The following CNTN5 variants were observed in gnomAD, a reference collection of about 807,000 sequenced individuals.
The protein encoded by CNTN5 is contactin-5.
In CNTN5, 77 loss-of-function variants were observed where a neutral mutation model predicts 129.1. The ratio of observed to expected loss-of-function variants is 0.60; its 90% CI spans 0.50 to 0.72. The LOEUF (loss-of-function observed/expected upper bound fraction) is 0.72, where lower values mean the gene tolerates loss of function less well. Among genes scored for constraint, CNTN5 ranks in the 30% least tolerant of loss-of-function variants. CNTN5 has a pLI of 0.00. For missense variants in CNTN5, 1,478 were observed against 1,328.8 expected, an observed-to-expected ratio of 1.11 and a Z score of -1.75; for synonymous variants, 509 against 465.6, an observed-to-expected ratio of 1.09 and a Z score of -1.20.
chr11:99,449,711 G>A (rs1313129708), intron 2 of CNTN5, among the ~76,000 whole-genome samples: 1 of 152,142 alleles, frequency 6.6e-6, no homozygotes, highest in South Asian at 2.1e-4. Context: ...GTATGTGTGG[G>A]TCTCTCTTTA....
intron 3 of CNTN5, among the ~76,000 whole-genome samples, chr11:99,765,167 C>G (rs1054301223): frequency 3.3e-5 from 5 of 151,804 alleles, no homozygotes; most frequent in Non-Finnish European, 7.4e-5. Context: ...GAGCCTGAGT[C>G]CAGTTTCTCT....
Position 99,324,377 on chromosome 11 carries a change from A to G in CNTN5, c.-209-969A>G, listed in dbSNP as rs1865694888. ...CAATAAGCATAAATGCTCTATAAAC[A>G]TTCTGGAAATATTATTAAAGAGAAA... On this transcript the variant is annotated intron_variant, in intron 1 of 24. Coordinates refer to ENST00000524871, the MANE Select transcript of CNTN5 (RefSeq NM_014361.4). Among the ~76,000 whole-genome samples the G allele has an allele frequency of 3.9e-5, 6 of 152,302 alleles. No homozygotes were observed. In the South Asian group the frequency reaches 1.2e-3, roughly 32 times the overall value.
chr11:99,968,338 A>G (rs1393212941), intron 8 of CNTN5, among the ~76,000 whole-genome samples: 1 of 152,172 alleles, frequency 6.6e-6, no homozygotes, highest in Non-Finnish European at 1.5e-5. Context: ...ATAATCTACT[A>G]TTTGGTGGTG....
rs1195993177 is a variant in CNTN5, at chr11:99,053,176, A to G, written c.-210+31906A>G. On this transcript the variant is annotated intron_variant, in intron 1 of 24. Transcript: ENST00000524871. ...CTATTTGTGGCATATGGTCATTCTA[A>G]AAAAGTAATGACAGAGCTGAGATTA... Among the ~76,000 whole-genome samples, 3 of 152,066 alleles carry G rather than the reference A, an allele frequency of 2.0e-5. No homozygotes were observed. In the East Asian group the frequency reaches 5.8e-4, roughly 29 times the overall value.
intron 3 of CNTN5, among the ~76,000 whole-genome samples, chr11:99,608,539 A>G (rs1330184256): frequency 2.0e-5 from 3 of 152,160 alleles, no homozygotes; most frequent in African/African-American, 7.2e-5. Context: ...TTTCCTTATA[A>G]AAAGAGAAAA....
intron 1 of CNTN5, among the ~76,000 whole-genome samples, chr11:99,197,703 G>C (rs756361594): frequency 2.0e-5 from 3 of 151,904 alleles, no homozygotes; most frequent in South Asian, 2.1e-4. Flanking sequence ...CTATACCTTT[G>C]CTTGCTCTTG....
At chr11:99,386,144 C>T (rs1394547581) in intron 2 of CNTN5, among the ~76,000 whole-genome samples, 2 of 152,160 alleles carry the variant, frequency 1.3e-5, no homozygotes, top group African/African-American at 4.8e-5. Flanking sequence ...TTGGACTTCA[C>T]TAGAGCAGGG....
intron 1 of CNTN5, among the ~76,000 whole-genome samples, chr11:99,131,231 G>C (rs1386255570): frequency 1.6e-5 from 2 of 121,478 alleles, no homozygotes; most frequent in African/African-American, 3.3e-5. Flanking sequence ...CTGGGTGACA[G>C]AGTGAGACTC....
At chr11:100,227,291 A>G (rs1949397052) in intron 16 of CNTN5, among the ~76,000 whole-genome samples, 1 of 152,140 alleles carries the variant, frequency 6.6e-6, no homozygotes, top group South Asian at 2.1e-4. Flanking sequence ...ATTATTTTAT[A>G]CATTTTACCA....
intron 1 of CNTN5, among the ~76,000 whole-genome samples, chr11:99,077,273 C>A (rs1685929939): frequency 6.9e-6 from 1 of 145,686 alleles, no homozygotes; most frequent in Non-Finnish European, 1.5e-5. Context: ...CCAGGAGCAA[C>A]AACATCAACA....
At chr11:100,290,900 C>T (rs1000838899) in intron 18 of CNTN5, among the ~76,000 whole-genome samples, 2 of 151,552 alleles carry the variant, frequency 1.3e-5, no homozygotes, top group African/African-American at 4.8e-5. Flanking sequence ...TGAACTCAAA[C>T]AAATTTACAA....
intron 2 of CNTN5, among the ~76,000 whole-genome samples, chr11:99,381,300 A>G (rs1479220005): frequency 6.6e-6 from 1 of 152,204 alleles, no homozygotes; most frequent in Non-Finnish European, 1.5e-5. Flanking sequence ...CTCACAGGAA[A>G]TATCAATTAA....
At position 100,002,070 on chromosome 11, in the gene CNTN5, AT is replaced by A; in HGVS notation, c.918del (p.Pro307LeufsTer29). On this transcript the variant is annotated frameshift_variant, in exon 9 of 25. Coordinates refer to ENST00000524871, the MANE Select transcript of CNTN5 (RefSeq NM_014361.4). LOFTEE classifies it high-confidence loss of function. ...GAATATGAGCCGAAAATTGAGGTCC[AT>A]TTTCCTTTCACGGTTACAGCTGCTA... ...MGEYEPKIEV[H>X]FPFTVTAAKG... 1.9e-6 allele frequency: 3 copies of A among 1,599,064 alleles called. No individual in the cohort carries two copies. Among genetic ancestry groups the A allele is most frequent in the South Asian group, 1.1e-5 (1 of 87,732 alleles).
intron 21 of CNTN5, among the ~76,000 whole-genome samples, chr11:100,316,922 A>G (rs1048426824): frequency 2.0e-5 from 3 of 152,198 alleles, no homozygotes; most frequent in African/African-American, 7.2e-5. Flanking sequence ...ACAAAAGACA[A>G]AACAGCTTGT....
At chr11:99,265,008 C>A (rs530398807) in intron 1 of CNTN5, among the ~76,000 whole-genome samples, 10 of 151,838 alleles carry the variant, frequency 6.6e-5, no homozygotes, top group African/African-American at 2.4e-4. Context: ...CTACAAAAAA[C>A]AAGCACAATC....
chr11:100,092,048 ATAT>A (rs1212838215), intron 13 of CNTN5, among the ~76,000 whole-genome samples: 2 of 152,104 alleles, frequency 1.3e-5, no homozygotes, highest in Admixed American at 6.6e-5. Flanking sequence ...AACAAAAATC[ATAT>A]TATTATGACT....
intron 3 of CNTN5, among the ~76,000 whole-genome samples, chr11:99,619,809 A>G (rs978159246): frequency 4.0e-5 from 6 of 151,844 alleles, no homozygotes; most frequent in East Asian, 3.9e-4. Flanking sequence ...GGCGGATCAC[A>G]AGGTCAGGAG....
chr11:99,914,805 T>A (rs1565672337), intron 6 of CNTN5, among the ~76,000 whole-genome samples: 1 of 152,136 alleles, frequency 6.6e-6, no homozygotes, highest in Non-Finnish European at 1.5e-5. Flanking sequence ...TGGATGTGTT[T>A]AAGAAGATTT....
intron 1 of CNTN5, among the ~76,000 whole-genome samples, chr11:99,127,113 A>G (rs1021100621): frequency 6.6e-6 from 1 of 152,112 alleles, no homozygotes; most frequent in African/African-American, 2.4e-5. Context: ...TCATATTTTT[A>G]TATGAAGCAC....
Sources: allele counts gnomAD v4.1 joint callset (sites outside exome capture counted in the v4.1 genomes callset), GRCh38; gene constraint gnomAD v4.1.1; transcripts MANE v1.5; gene names NCBI Gene and HGNC (gene_info 2026-07-23, HGNC 2026-07-21).